The following CD47 variants were observed in gnomAD, a reference collection of about 807,000 sequenced individuals.
CD47 encodes CD47 molecule, also known as leukocyte surface antigen CD47.
CD47 carries 11 observed loss-of-function variants against 44.6 expected under a neutral mutation model. That is an observed-to-expected ratio of 0.25 (90% CI 0.16 to 0.41). The LOEUF is 0.41. Among genes scored for constraint, CD47 ranks in the 10% least tolerant of loss-of-function variants. The pLI is 1.00. For synonymous variants in CD47, 140 were observed against 136.3 expected, an observed-to-expected ratio of 1.03 and a Z score of -0.19; for missense variants, 306 against 386.7, an observed-to-expected ratio of 0.79 and a Z score of 1.75.
At position 108,046,465 on chromosome 3, in the gene CD47, T is replaced by C. The variant is rs1404256227; in HGVS notation, c.*823A>G. 6.5e-6 allele frequency: 1 copy of C among 152,676 alleles called. No individual in the cohort carries two copies. The highest frequency in any genetic ancestry group is 6.5e-5 in the Admixed American group (1 of 15,288). The allele number at this position is 152,676 out of a possible 1,614,324, so 9.5% of individuals were successfully genotyped here. ...GTGCTCTGAGAACAAGTCTGGCTCC[T>C]TCCTGCAACTGGTGCTACCGTGTCA... On this transcript the variant is annotated 3_prime_UTR_variant, in exon 11 of 11. Coordinates refer to ENST00000361309, the MANE Select transcript of CD47 (RefSeq NM_001777.4).
rs77695486 is a variant in CD47 at position 108,071,291 on chromosome 3, C to T, written c.401-109G>A. ...TTATAGAGATGGAAAAAAATTAAAACTGTGGCCTTATTTTTACATGTATTT... is the reference window on the plus strand; with the variant it reads ...TTATAGAGATGGAAAAAAATTAAAATTGTGGCCTTATTTTTACATGTATTT... On this transcript the variant is annotated intron_variant, in intron 2 of 10. Transcript: ENST00000361309. The T allele has an allele frequency of 1.7e-3, 923 of 554,166 alleles. 9 individuals are homozygous for T. The highest frequency in any genetic ancestry group is 0.016 in the African/African-American group (827 of 51,360). 34.3% of individuals were successfully genotyped at this position (554,166 alleles called of 1,614,324 possible). A position where few individuals can be genotyped will look rare whatever the true frequency, so the allele number is the denominator to read the frequency against.
At position 108,046,252 on chromosome 3, in the gene CD47, G is replaced by T. The variant is rs559146289; in HGVS notation, c.*1036C>A. The T allele has an allele frequency of 6.5e-6, 1 of 152,808 alleles. No individual in the cohort carries two copies. The highest frequency in any genetic ancestry group is 2.1e-4 in the South Asian group (1 of 4,828). The allele number at this position is 152,808 out of a possible 1,614,324, so 9.5% of individuals were successfully genotyped here. A position where few individuals can be genotyped will look rare whatever the true frequency, so the allele number is the denominator to read the frequency against. ...TAAATCCCCATTCAAGGGCTGGCCTGTTGGCCTGATGGTGACACACATTTT... is the reference window on the plus strand; with the variant it reads ...TAAATCCCCATTCAAGGGCTGGCCTTTTGGCCTGATGGTGACACACATTTT... On this transcript the variant is annotated 3_prime_UTR_variant, in exon 11 of 11. Transcript: ENST00000361309.
chr3:108,049,576 T>C (rs774833218), intron 10 of CD47, 43 bp downstream of exon 10: 6 of 1,245,856 alleles, frequency 4.8e-6, no homozygotes, highest in Non-Finnish European at 5.9e-6. Flanking sequence ...CCAATGTCCA[T>C]GTTTTAACTG....
rs750079487 is a variant in CD47, at chr3:108,060,776, A to G, written c.567T>C (p.Ile189=). ...CGAAAAGAATGGCTCCAACAATGACAATGACAGTGATCACTAGTCCAGCAA... is the reference window on the plus strand; with the variant it reads ...CGAAAAGAATGGCTCCAACAATGACGATGACAGTGATCACTAGTCCAGCAA... The part of the protein sequence containing the change: ...LLVAGLVITV[I]VIVGAILFVP... The change falls in exon 4 of 11, where the codon ATT becomes ATC. Residue 189 remains isoleucine, a synonymous_variant. Transcript: ENST00000361309. The G allele has an allele frequency of 1.9e-6, 3 of 1,613,540 alleles. No individual in the cohort carries two copies. The highest frequency in any genetic ancestry group is 2.5e-6 in the Non-Finnish European group (3 of 1,179,492).
intron 3 of CD47, among the ~76,000 whole-genome samples, chr3:108,069,549 A>G (rs186159332): frequency 5.9e-4 from 88 of 148,080 alleles, no homozygotes; most frequent in African/African-American, 2.2e-3. Flanking sequence ...CCTACTTTGT[A>G]CGAGGTGTTC....
At chr3:108,074,678 G>T (rs1217605215) in intron 2 of CD47, among the ~76,000 whole-genome samples, 1 of 110,528 alleles carries the variant, frequency 9.0e-6, no homozygotes, top group Non-Finnish European at 1.7e-5. Context: ...ATTGTGCCAG[G>T]ATTTTAAATT....
At chr3:108,060,236 T>C (rs999898541) in intron 4 of CD47, among the ~76,000 whole-genome samples, 2 of 152,234 alleles carry the variant, frequency 1.3e-5, no homozygotes, top group African/African-American at 4.8e-5. Flanking sequence ...GAATATTACC[T>C]AATACAGCAA....
chr3:108,088,190 T>C (rs1000656386), intron 1 of CD47, among the ~76,000 whole-genome samples: 1 of 152,360 alleles, frequency 6.6e-6, no homozygotes, highest in Non-Finnish European at 1.5e-5. Context: ...AATGCCTATA[T>C]ACTAGCTATA....
At position 108,044,403 on chromosome 3, in the gene CD47, T is replaced by G. The variant is rs2108210551; in HGVS notation, c.*2885A>C. The stretch of plus-strand genomic sequence containing the variant: ...ATCACCTTTGAAGGTTTTTAGAGCA[T>G]GTGAAATTAGTCAAAAAAAAAAAAA... On this transcript the variant is annotated 3_prime_UTR_variant, in exon 11 of 11. Transcript: ENST00000361309. 1 of 103,792 alleles carries G rather than the reference T, an allele frequency of 9.6e-6. No individual in the cohort carries two copies. Among genetic ancestry groups the G allele is most frequent in the Non-Finnish European group, 1.9e-5 (1 of 51,790 alleles). The allele number at this position is 103,792 out of a possible 1,614,324, so 6.4% of individuals were successfully genotyped here.
At chr3:108,064,410 T>C (rs1444538309) in intron 3 of CD47, among the ~76,000 whole-genome samples, 2 of 152,230 alleles carry the variant, frequency 1.3e-5, no homozygotes, top group Non-Finnish European at 2.9e-5. Context: ...AGCAATGACA[T>C]GTCCCTCTAG....
intron 10 of CD47, among the ~76,000 whole-genome samples, chr3:108,048,968 A>G (rs904601366): frequency 1.3e-5 from 2 of 152,212 alleles, no homozygotes; most frequent in Admixed American, 6.5e-5. Flanking sequence ...TGCTTGTAGC[A>G]CTCAATATCT....
chr3:108,086,377 T>C (rs961621836), intron 1 of CD47, among the ~76,000 whole-genome samples: 5 of 152,078 alleles, frequency 3.3e-5, no homozygotes, highest in Admixed American at 6.6e-5. Context: ...AGAGAAGACC[T>C]AAAACTTACA....
At chr3:108,077,277 A>G (rs1325573028) in intron 2 of CD47, among the ~76,000 whole-genome samples, 2 of 152,192 alleles carry the variant, frequency 1.3e-5, no homozygotes, top group East Asian at 3.8e-4. Flanking sequence ...ATTAGAAAAG[A>G]ACTTATACTC....
At chr3:108,065,143 T>A (rs2079081171) in intron 3 of CD47, among the ~76,000 whole-genome samples, 1 of 152,192 alleles carries the variant, frequency 6.6e-6, no homozygotes, top group Admixed American at 6.5e-5. Flanking sequence ...AATGAAACAA[T>A]TTTGTCACAA....
At chr3:108,060,410 G>A (rs2078989180) in intron 4 of CD47, among the ~76,000 whole-genome samples, 2 of 152,218 alleles carry the variant, frequency 1.3e-5, no homozygotes, top group Admixed American at 6.5e-5. Flanking sequence ...CAAAGACATA[G>A]AGGAAGGAGG....
chr3:108,058,204 C>A (rs3762679), intron 6 of CD47, 133 bp downstream of exon 6: 137,927 of 503,056 alleles, frequency 0.27, 19,754 homozygotes, highest in South Asian at 0.3. Flanking sequence ...TCAATTTTGC[C>A]ATGAACCAAA....
intron 8 of CD47, among the ~76,000 whole-genome samples, chr3:108,051,575 T>C (rs2078828856): frequency 6.6e-6 from 1 of 152,244 alleles, no homozygotes; most frequent in Non-Finnish European, 1.5e-5. Flanking sequence ...TCCTCATTTT[T>C]AAGCCTGAAA....
intron 10 of CD47, 35 bp from the exon 11 acceptor site, chr3:108,047,327 T>G (rs913694744): frequency 9.6e-6 from 15 of 1,559,258 alleles, no homozygotes; most frequent in Non-Finnish European, 1.3e-5. Flanking sequence ...TAATCACTAT[T>G]CGTGTCTATT....
At chr3:108,065,440 A>G (rs955181964) in intron 3 of CD47, among the ~76,000 whole-genome samples, 2 of 152,180 alleles carry the variant, frequency 1.3e-5, no homozygotes, top group African/African-American at 2.4e-5. Context: ...ACATAAGCAC[A>G]TTATTTAATA....
Sources: gnomAD v4.1 joint callset for allele counts (sites outside exome capture counted in the v4.1 genomes callset) on GRCh38, gnomAD v4.1.1 for gene constraint, MANE v1.5 for transcripts, NCBI Gene and HGNC (gene_info 2026-07-23, HGNC 2026-07-21) for gene names.